CHSY3: variants seen among roughly 807,000 people sequenced by gnomAD.
CHSY3 encodes N-acetylgalactosaminyl-proteoglycan 3-beta-glucuronosyltransferase 3.
In CHSY3, 35 loss-of-function variants were observed where a neutral mutation model predicts 67.2. That is an observed-to-expected ratio of 0.52 (90% confidence interval 0.40 to 0.69). CHSY3 has a LOEUF of 0.69. Ranked by LOEUF, CHSY3 falls within the 30% of genes least tolerant of loss-of-function variation. The pLI is 0.00. For synonymous variants in CHSY3, 474 were observed against 434.7 expected (o/e 1.09, Z -1.12); for missense variants, 1,069 against 1,138.5 (o/e 0.94, Z 0.88).
chr5:130,172,731 C>T (rs1769931600), intron 2 of CHSY3, among the ~76,000 whole-genome samples: 1 of 152,172 alleles, frequency 6.6e-6, no homozygotes, highest in South Asian at 2.1e-4. Context: ...AACTGAAACT[C>T]CGTGCCTGAA....
chr5:130,136,178 G>A (rs1453223455), intron 2 of CHSY3, among the ~76,000 whole-genome samples: 1 of 152,170 alleles, frequency 6.6e-6, no homozygotes, highest in Non-Finnish European at 1.5e-5. Flanking sequence ...AGGAGGTAAT[G>A]CTTGATTTTA....
chr5:130,162,999 C>T (rs1769603835), intron 2 of CHSY3, among the ~76,000 whole-genome samples: 1 of 152,044 alleles, frequency 6.6e-6, no homozygotes, highest in South Asian at 2.1e-4. Flanking sequence ...GCAACTTGTG[C>T]AAATCAGCAC....
At chr5:129,942,652 G>T (rs941172374) in intron 2 of CHSY3, among the ~76,000 whole-genome samples, 1 of 152,132 alleles carries the variant, frequency 6.6e-6, no homozygotes, top group African/African-American at 2.4e-5. Flanking sequence ...TAATGAAACT[G>T]CCTCTTAGGG....
intron 2 of CHSY3, among the ~76,000 whole-genome samples, chr5:130,144,850 T>C (rs62393211): frequency 0.055 from 8,339 of 152,200 alleles, 344 homozygotes; most frequent in Non-Finnish European, 0.081. Context: ...AGAAAAAAGG[T>C]TTAAGTGGCT....
intron 2 of CHSY3, among the ~76,000 whole-genome samples, chr5:130,152,897 T>C (rs1488884795): frequency 1.3e-5 from 2 of 152,166 alleles, no homozygotes; most frequent in South Asian, 4.1e-4. Context: ...ATCATCTCTG[T>C]AGCCCCAGTC....
intron 2 of CHSY3, among the ~76,000 whole-genome samples, chr5:130,064,845 T>C (rs1765832564): frequency 6.6e-6 from 1 of 152,198 alleles, no homozygotes; most frequent in Admixed American, 6.6e-5. Context: ...GATTTGCTTT[T>C]CCTTTTTCTA....
At chr5:129,925,953 TG>T (rs1457944360) in intron 2 of CHSY3, among the ~76,000 whole-genome samples, 1 of 152,080 alleles carries the variant, frequency 6.6e-6, no homozygotes, top group African/African-American at 2.4e-5. Flanking sequence ...CATGAGATTG[TG>T]AGGGCAGTTA....
rs201809131 is a variant in CHSY3, at chr5:129,971,377, CT to C, written c.1086+63018del. Reference sequence around the variant, plus strand: ...TGGTTTCTAATTTTATTTCCATGCACTAATTTTATTAAAATTAATAAAATAA... The same window carrying C: ...TGGTTTCTAATTTTATTTCCATGCACAATTTTATTAAAATTAATAAAATAA... On this transcript the variant is annotated intron_variant, in intron 2 of 2. Coordinates refer to ENST00000305031, the MANE Select transcript of CHSY3 (RefSeq NM_175856.5). 4.0e-5 allele frequency among the ~76,000 whole-genome samples: 6 copies of C among 151,686 alleles called. No individual in the cohort carries two copies. In the East Asian group the frequency reaches 1.2e-3, roughly 29 times the overall value.
chr5:130,115,271 T>G (rs531195257), intron 2 of CHSY3, among the ~76,000 whole-genome samples: 2 of 152,168 alleles, frequency 1.3e-5, no homozygotes, highest in Admixed American at 1.3e-4. Flanking sequence ...ACAGAGAACA[T>G]AATCATCTTG....
chr5:130,055,644 T>C (rs921283371), intron 2 of CHSY3, among the ~76,000 whole-genome samples: 4 of 152,058 alleles, frequency 2.6e-5, no homozygotes, highest in African/African-American at 9.7e-5. Flanking sequence ...TAGTAGTATA[T>C]ATATGTCCTC....
At chr5:130,015,382 CA>C (rs1580650726) in intron 2 of CHSY3, among the ~76,000 whole-genome samples, 1 of 151,860 alleles carries the variant, frequency 6.6e-6, no homozygotes, top group African/African-American at 2.4e-5. Flanking sequence ...GGAACTTAAA[CA>C]AATTAACAAG....
chr5:130,001,512 C>T, intron 2 of CHSY3: 1 of 961,810 alleles, frequency 1.0e-6, no homozygotes, highest in Non-Finnish European at 1.2e-6. Flanking sequence ...TAGTGAAGGG[C>T]CTGGGATGAG....
chr5:130,054,300 C>T (rs982896376), intron 2 of CHSY3, among the ~76,000 whole-genome samples: 6 of 151,966 alleles, frequency 3.9e-5, no homozygotes, highest in Admixed American at 6.6e-5. Context: ...CTCCTATTTC[C>T]CTGATGATAT....
At chr5:129,994,311 C>G (rs996970101) in intron 2 of CHSY3, among the ~76,000 whole-genome samples, 2 of 152,122 alleles carry the variant, frequency 1.3e-5, no homozygotes, top group African/African-American at 4.8e-5. Context: ...GAGTGTTTTC[C>G]AACTTGGTTC....
At chr5:129,974,058 A>G (rs964437464) in intron 2 of CHSY3, among the ~76,000 whole-genome samples, 4 of 152,152 alleles carry the variant, frequency 2.6e-5, no homozygotes, top group Admixed American at 6.5e-5. Flanking sequence ...CTATAATTGT[A>G]AAAATAGCCT....
chr5:130,002,467 G>A (rs1349927803), intron 2 of CHSY3, among the ~76,000 whole-genome samples: 1 of 152,080 alleles, frequency 6.6e-6, no homozygotes, highest in Non-Finnish European at 1.5e-5. Context: ...AGATGAGAGG[G>A]AGCCACAGGA....
At chr5:130,054,186 C>T (rs1160869221) in intron 2 of CHSY3, among the ~76,000 whole-genome samples, 3 of 152,024 alleles carry the variant, frequency 2.0e-5, no homozygotes, top group Admixed American at 1.3e-4. Flanking sequence ...TTTGTTCTTT[C>T]GCTGTGCCCA....
intron 2 of CHSY3, among the ~76,000 whole-genome samples, chr5:129,931,878 G>C (rs1209450171): frequency 6.6e-6 from 1 of 151,912 alleles, no homozygotes; most frequent in Non-Finnish European, 1.5e-5. Flanking sequence ...GTAGCTGCAA[G>C]GCAGATAAAT....
intron 2 of CHSY3, among the ~76,000 whole-genome samples, chr5:130,178,253 A>ATTTT (rs10699248): frequency 0.015 from 704 of 45,890 alleles, 35 homozygotes; most frequent in Middle Eastern, 0.062. Flanking sequence ...ATATATATAT[A>ATTTT]TTTTTTTTTT....
Sources: allele counts gnomAD v4.1 joint callset (sites outside exome capture counted in the v4.1 genomes callset), GRCh38; gene constraint gnomAD v4.1.1; transcripts MANE v1.5; gene names NCBI Gene and HGNC (gene_info 2026-07-23, HGNC 2026-07-21).